Variants in FSTL5 observed in about 807,000 individuals in gnomAD.
FSTL5 encodes follistatin-related protein 5.
In FSTL5, 62 loss-of-function variants were observed where a neutral mutation model predicts 89.1. The observed-to-expected ratio is 0.70, with a 90% CI of 0.57 to 0.86. FSTL5 has a LOEUF of 0.86. FSTL5 is among the 40% of genes least tolerant of loss of function. The pLI is 0.00. For synonymous variants in FSTL5, 383 were observed against 346.2 expected, an observed-to-expected ratio of 1.11 and a Z score of -1.18; for missense variants, 1,057 against 1,001.6, an observed-to-expected ratio of 1.06 and a Z score of -0.75.
intron 4 of FSTL5, among the ~76,000 whole-genome samples, chr4:161,790,591 A>T (rs1026499082): frequency 6.6e-6 from 1 of 152,196 alleles, no homozygotes; most frequent in Admixed American, 6.5e-5. Flanking sequence ...CTAATATTTT[A>T]TACTGCCATA....
intron 8 of FSTL5, among the ~76,000 whole-genome samples, chr4:161,561,999 T>C (rs992902993): frequency 6.6e-6 from 1 of 152,006 alleles, no homozygotes; most frequent in African/African-American, 2.4e-5. Context: ...ATGCATCTGG[T>C]TCTGTCCAAT....
chr4:161,837,367 A>C (rs1731080316), intron 4 of FSTL5, among the ~76,000 whole-genome samples: 1 of 152,172 alleles, frequency 6.6e-6, no homozygotes, highest in African/African-American at 2.4e-5. Flanking sequence ...TTAAAGATAC[A>C]TGAAAGCATA....
At chr4:161,614,521 C>G (rs908049887) in intron 7 of FSTL5, among the ~76,000 whole-genome samples, 2 of 152,190 alleles carry the variant, frequency 1.3e-5, no homozygotes, top group Middle Eastern at 3.4e-3. Flanking sequence ...TCAGAACAAC[C>G]TTAGAGAGAA....
intron 7 of FSTL5, among the ~76,000 whole-genome samples, chr4:161,618,284 C>T (rs1388646772): frequency 7.3e-5 from 10 of 137,052 alleles, no homozygotes; most frequent in Admixed American, 7.0e-4. Flanking sequence ...GACAATTTGA[C>T]TTCCTCTTTT....
chr4:161,411,489 A>G (rs745329750), intron 15 of FSTL5, among the ~76,000 whole-genome samples: 2 of 152,226 alleles, frequency 1.3e-5, no homozygotes, highest in Admixed American at 6.5e-5. Flanking sequence ...TTAATACACT[A>G]TGATCAAGTA....
rs555221899 is a variant in FSTL5 at position 161,616,603 on chromosome 4, C to T, written c.895-29028G>A. Among the ~76,000 whole-genome samples, 59 of 152,186 alleles carry T rather than the reference C, an allele frequency of 3.9e-4. 1 individual carries two copies. The highest frequency in any genetic ancestry group is 4.9e-4 in the Non-Finnish European group (33 of 68,028). The stretch of plus-strand genomic sequence containing the variant: ...GTGTGAGTCAATACTCCTGAATAAA[C>T]TCCCCTTTATATATGCATCAATCCT... On this transcript the variant is annotated intron_variant, in intron 7 of 15. Coordinates refer to ENST00000306100, the MANE Select transcript of FSTL5 (RefSeq NM_020116.5).
At chr4:162,064,361 C>A (rs917914821) in intron 2 of FSTL5, among the ~76,000 whole-genome samples, 4 of 151,960 alleles carry the variant, frequency 2.6e-5, no homozygotes, top group African/African-American at 9.7e-5. Flanking sequence ...CTTGACTGGG[C>A]CATGGACTAC....
At chr4:161,615,293 C>CAAA (rs1203046031) in intron 7 of FSTL5, among the ~76,000 whole-genome samples, 29 of 26,456 alleles carry the variant, frequency 1.1e-3, no homozygotes, top group African/African-American at 3.1e-3. Context: ...GACTCTGTCT[C>CAAA]AAAAAAAAAA....
intron 7 of FSTL5, among the ~76,000 whole-genome samples, chr4:161,602,532 A>G (rs1235947469): frequency 6.6e-6 from 1 of 152,162 alleles, no homozygotes; most frequent in Non-Finnish European, 1.5e-5. Flanking sequence ...GAGATTAGAG[A>G]TTAGAAATTC....
At chr4:161,502,792 G>T (rs1451352996) in intron 11 of FSTL5, among the ~76,000 whole-genome samples, 2 of 151,584 alleles carry the variant, frequency 1.3e-5, no homozygotes, top group African/African-American at 4.8e-5. Flanking sequence ...CTTTGATATT[G>T]TGCACATATA....
intron 8 of FSTL5, among the ~76,000 whole-genome samples, chr4:161,558,419 C>A (rs746267834): frequency 1.3e-5 from 2 of 151,868 alleles, no homozygotes; most frequent in Admixed American, 6.6e-5. Flanking sequence ...TTACAGTTAT[C>A]TCAAAATTAA....
chr4:161,590,464 G>A (rs929418662), intron 7 of FSTL5, among the ~76,000 whole-genome samples: 2 of 152,128 alleles, frequency 1.3e-5, no homozygotes, highest in Non-Finnish European at 2.9e-5. Context: ...GCTTGAACCC[G>A]AGAGGTGGAG....
At chr4:161,858,476 C>T (rs1252265173) in intron 4 of FSTL5, among the ~76,000 whole-genome samples, 2 of 152,112 alleles carry the variant, frequency 1.3e-5, no homozygotes, top group Non-Finnish European at 2.9e-5. Context: ...CAAAAGCAGG[C>T]ATGATTTCTC....
intron 8 of FSTL5, among the ~76,000 whole-genome samples, chr4:161,545,449 C>A: frequency 7.6e-4 from 1 of 1,320 alleles, no homozygotes; most frequent in East Asian, 0.17. Context: ...TCTTTAAGAT[C>A]TGGCGCGTTG....
chr4:161,798,635 G>T (rs1003970869), intron 4 of FSTL5, among the ~76,000 whole-genome samples: 1 of 151,364 alleles, frequency 6.6e-6, no homozygotes, highest in African/African-American at 2.4e-5. Flanking sequence ...CTGGTATTTG[G>T]TCCAACAAAC....
chr4:161,912,180 G>A (rs942277307), intron 4 of FSTL5, among the ~76,000 whole-genome samples: 5 of 152,074 alleles, frequency 3.3e-5, no homozygotes, highest in African/African-American at 1.2e-4. Flanking sequence ...CAATTATATT[G>A]AAAAATAGTT....
Position 161,929,541 on chromosome 4 carries a change from ATT to A in FSTL5, c.161-8891_161-8890del, listed in dbSNP as rs201582860. On this transcript the variant is annotated intron_variant, in intron 3 of 15. Coordinates refer to ENST00000306100, the MANE Select transcript of FSTL5 (RefSeq NM_020116.5). ...AATTGTGTGATATTTATTTTTATGA[ATT>A]TTTTTGTGGAATGTACATAACTGGA... Among the ~76,000 whole-genome samples, 1,789 of 151,606 alleles carry A rather than the reference ATT, an allele frequency of 0.012. 83 individuals carry two copies. In the East Asian group the frequency reaches 0.16, roughly 13 times the overall value.
At chr4:161,578,966 C>A (rs1733333940) in intron 8 of FSTL5, among the ~76,000 whole-genome samples, 1 of 152,026 alleles carries the variant, frequency 6.6e-6, no homozygotes. Context: ...ACCTGAACTT[C>A]AAATTATTAA....
At chr4:161,637,505 T>C (rs1311476765) in intron 7 of FSTL5, among the ~76,000 whole-genome samples, 1 of 151,982 alleles carries the variant, frequency 6.6e-6, no homozygotes, top group East Asian at 1.9e-4. Flanking sequence ...TTGTTGCCAT[T>C]GCTTTTGGTG....
Sources: allele counts gnomAD v4.1 joint callset (sites outside exome capture counted in the v4.1 genomes callset), GRCh38; gene constraint gnomAD v4.1.1; transcripts MANE v1.5; gene names NCBI Gene and HGNC (gene_info 2026-07-23, HGNC 2026-07-21).